The following SUFU variants were observed in gnomAD, a reference collection of about 807,000 sequenced individuals.
SUFU encodes SUFU negative regulator of hedgehog signaling.
SUFU carries 7 observed loss-of-function variants against 58.9 expected under a neutral mutation model. That is an observed-to-expected ratio of 0.12 (90% CI 0.07 to 0.22). The LOEUF is 0.22. SUFU is among the 10% of genes least tolerant of loss of function. SUFU has a pLI of 1.00. For missense variants in SUFU, 451 were observed against 641.3 expected (o/e 0.70, Z 3.20); for synonymous variants, 232 against 254.8 (o/e 0.91, Z 0.85).
At chr10:102,604,305 C>A (rs2063541940) in intron 8 of SUFU, among the ~76,000 whole-genome samples, 1 of 152,254 alleles carries the variant, frequency 6.6e-6, no homozygotes, top group Non-Finnish European at 1.5e-5. Context: ...TGTTGTCATG[C>A]CAAGTGCCTT....
chr10:102,517,000 G>A (rs1054452308), intron 2 of SUFU, among the ~76,000 whole-genome samples: 5 of 150,944 alleles, frequency 3.3e-5, no homozygotes, highest in Admixed American at 2.6e-4. Context: ...GTGGGCACCT[G>A]TAATCCCAGC....
intron 2 of SUFU, among the ~76,000 whole-genome samples, chr10:102,510,389 T>C (rs1316406617): frequency 6.6e-6 from 1 of 151,572 alleles, no homozygotes; most frequent in Non-Finnish European, 1.5e-5. Context: ...TTTGTATTTT[T>C]AGTAGAGACG....
chr10:102,581,174 T>C (rs1490347146), intron 3 of SUFU, among the ~76,000 whole-genome samples: 2 of 95,182 alleles, frequency 2.1e-5, no homozygotes, highest in Non-Finnish European at 3.8e-5. Flanking sequence ...AGAGAGACTC[T>C]GTCTCCAAAA....
At position 102,628,717 on chromosome 10, in the gene SUFU, G is replaced by A. The variant is rs922712170; in HGVS notation, c.1366-1349G>A. On this transcript the variant is annotated intron_variant, in intron 11 of 11. Transcript: ENST00000369902. The surrounding 1 kb of genome is among the most constrained non-coding windows in gnomAD (Gnocchi z 4.5). ...CACTCGCCACTTTGGTCCTGGCAGA[G>A]ACAGTCCCCCAGCAGAGGGAGCGAA... is the stretch of plus-strand genomic sequence containing the variant. Among the ~76,000 whole-genome samples the A allele has an allele frequency of 6.6e-6, 1 of 152,182 alleles. No homozygotes were observed. The highest frequency in any genetic ancestry group is 1.5e-5 in the Non-Finnish European group (1 of 68,030).
rs548457732 is a variant in SUFU at position 102,511,499 on chromosome 10, A to G, written c.317+2196A>G. Among the ~76,000 whole-genome samples the G allele has an allele frequency of 2.6e-5, 4 of 152,276 alleles. No homozygotes were observed. The East Asian group carries it at 7.7e-4, about 29-fold the overall frequency. On this transcript the variant is annotated intron_variant, in intron 2 of 11. Transcript: ENST00000369902. The stretch of plus-strand genomic sequence containing the variant: ...GGAGATGATGATGGTATCATAAAGA[A>G]GATGATGATAGCCTTTTTTCCCTTT...
Position 102,617,545 on chromosome 10 carries a change from C to A in SUFU, c.1296+117C>A, listed in dbSNP as rs758290282. On this transcript the variant is annotated intron_variant, in intron 10 of 11. Transcript: ENST00000369902. This position sits in a 1 kb window ranked among gnomAD's most constrained non-coding sequence, Gnocchi z 4.4. ...CTTCCTGGGGGGCTGGTCATGAATG[C>A]CTCATGGATTCAGGGCCTGGGGCCT... 6.9e-7 allele frequency: 1 copy of A among 1,443,432 alleles called. No homozygotes were observed. Among genetic ancestry groups the A allele is most frequent in the South Asian group, 1.2e-5 (1 of 85,068 alleles). 89.4% of individuals were successfully genotyped at this position (1,443,432 alleles called of 1,614,324 possible).
chr10:102,585,767 CCTTGGCCTCCCAACA>C (rs1385796414), intron 3 of SUFU, among the ~76,000 whole-genome samples: 14 of 152,110 alleles, frequency 9.2e-5, no homozygotes, highest in Admixed American at 5.9e-4. Flanking sequence ...GATCCTCTCA[CCTTGGCCTCCCAACA>C]CTTTGGGAGG....
intron 3 of SUFU, among the ~76,000 whole-genome samples, chr10:102,582,086 A>C (rs1199973763): frequency 6.6e-6 from 1 of 152,188 alleles, no homozygotes; most frequent in African/African-American, 2.4e-5. Flanking sequence ...ATCTCAGAGC[A>C]CGCAGAAGAG....
chr10:102,530,679 C>T (rs1428528794), intron 2 of SUFU, among the ~76,000 whole-genome samples: 1 of 151,712 alleles, frequency 6.6e-6, no homozygotes, highest in Admixed American at 6.6e-5. Context: ...GTCTTGAACT[C>T]CTGGGCTAAA....
intron 8 of SUFU, among the ~76,000 whole-genome samples, chr10:102,601,968 A>C (rs1323416051): frequency 6.6e-6 from 1 of 152,182 alleles, no homozygotes; most frequent in African/African-American, 2.4e-5. Flanking sequence ...GGTCTAAGGA[A>C]GATACAGAGC....
At chr10:102,595,851 G>A (rs528885321) in intron 6 of SUFU, among the ~76,000 whole-genome samples, 7 of 152,172 alleles carry the variant, frequency 4.6e-5, no homozygotes, top group South Asian at 2.1e-4. Flanking sequence ...TAAGTCCCTC[G>A]CCTTCTGGGT....
intron 10 of SUFU, among the ~76,000 whole-genome samples, chr10:102,622,675 C>T (rs1239179525): frequency 2.6e-5 from 4 of 151,906 alleles, no homozygotes; most frequent in Non-Finnish European, 5.9e-5. Flanking sequence ...AGCCCCTGGC[C>T]GGGCCCAGTG....
chr10:102,590,153 C>CTTATTTTTTTTTTTTTTTTTTTTT (rs2063381180), intron 3 of SUFU, among the ~76,000 whole-genome samples: 1 of 73,840 alleles, frequency 1.4e-5, no homozygotes, highest in Non-Finnish European at 2.4e-5. Flanking sequence ...TTTTTTTTTT[C>CTTATTTTTTTTTTTTTTTTTTTTT]TTTTTTCTTT....
At chr10:102,618,706 T>C (rs1364153413) in intron 10 of SUFU, 6 of 348,652 alleles carry the variant, frequency 1.7e-5, no homozygotes, top group Non-Finnish European at 3.1e-5. Context: ...TGGTAGTTAC[T>C]GTAACAAAAG....
intron 3 of SUFU, among the ~76,000 whole-genome samples, chr10:102,574,733 T>A (rs996358969): frequency 2.6e-5 from 4 of 152,140 alleles, no homozygotes; most frequent in Admixed American, 6.5e-5. Context: ...CTCTTTCTTT[T>A]AAAAAAAATG....
At chr10:102,603,474 C>A (rs1377615856) in intron 8 of SUFU, among the ~76,000 whole-genome samples, 1 of 152,144 alleles carries the variant, frequency 6.6e-6, no homozygotes, top group Admixed American at 6.5e-5. Context: ...AGGGACAGGG[C>A]ACATGCAGGT....
intron 9 of SUFU, among the ~76,000 whole-genome samples, chr10:102,615,768 G>A (rs532908379): frequency 2.3e-4 from 35 of 152,156 alleles, no homozygotes; most frequent in Non-Finnish European, 4.7e-4. Flanking sequence ...TTCCTAGAGC[G>A]GGGCTCTCTT....
chr10:102,509,078 G>GGTCCTTTA (rs1158917755), intron 1 of SUFU, 91 bp from the exon 2 acceptor site: 5 of 1,579,484 alleles, frequency 3.2e-6, no homozygotes, highest in Non-Finnish European at 4.3e-6. Context: ...CTCCAGGATG[G>GGTCCTTTA]GTCCTTTAGG....
intron 6 of SUFU, among the ~76,000 whole-genome samples, chr10:102,595,188 C>T (rs893265283): frequency 8.5e-5 from 13 of 152,266 alleles, no homozygotes; most frequent in South Asian, 4.1e-4. Context: ...AGGCAGTTGC[C>T]GGGAGTTCCA....
Sources: gnomAD v4.1 joint callset for allele counts (sites outside exome capture counted in the v4.1 genomes callset) on GRCh38, gnomAD v4.1.1 for gene constraint, Gnocchi (gnomAD v3.1) non-coding constraint, MANE v1.5 for transcripts, NCBI Gene and HGNC (gene_info 2026-07-23, HGNC 2026-07-21) for gene names.